The following PDE11A variants were observed in gnomAD, a reference collection of about 807,000 sequenced individuals.
PDE11A encodes the protein dual 3',5'-cyclic-AMP and -GMP phosphodiesterase 11A.
In PDE11A, 100 loss-of-function variants were observed where a neutral mutation model predicts 100.5. That is an observed-to-expected ratio of 1.00 (90% CI 0.85 to 1.18). The LOEUF (loss-of-function observed/expected upper bound fraction) is 1.18, where lower values mean the gene tolerates loss of function less well. Ranked by LOEUF, PDE11A falls within the 50% of genes most tolerant of loss-of-function variation. The probability of loss-of-function intolerance (pLI) is 0.00; values close to 1 mark genes in which losing one functional copy is unlikely to be tolerated. For synonymous variants in PDE11A, 381 were observed against 420.8 expected (o/e 0.91, Z 1.16); for missense variants, 1,141 against 1,152.6 (o/e 0.99, Z 0.15).
At chr2:177,728,619 T>C (rs1397767345) in intron 10 of PDE11A, among the ~76,000 whole-genome samples, 1 of 152,198 alleles carries the variant, frequency 6.6e-6, no homozygotes, top group African/African-American at 2.4e-5. Flanking sequence ...TATATCCTTA[T>C]ATCCTGTAGC....
chr2:178,045,077 A>G (rs2086732923), intron 1 of PDE11A, among the ~76,000 whole-genome samples: 1 of 152,208 alleles, frequency 6.6e-6, no homozygotes, highest in African/African-American at 2.4e-5. Flanking sequence ...AAAGTTTCAC[A>G]ATAAAGAGAA....
At chr2:177,711,238 T>C (rs2081355882) in intron 13 of PDE11A, among the ~76,000 whole-genome samples, 1 of 152,248 alleles carries the variant, frequency 6.6e-6, no homozygotes, top group Non-Finnish European at 1.5e-5. Context: ...AATTCCTTTG[T>C]TTCTTCCACC....
intron 13 of PDE11A, among the ~76,000 whole-genome samples, 198 bp from the exon 14 acceptor site, chr2:177,701,409 A>G (rs1488226911): frequency 2.0e-5 from 3 of 152,216 alleles, no homozygotes; most frequent in African/African-American, 7.2e-5. Flanking sequence ...CCTAATACAT[A>G]GAACTTTCTA....
intron 16 of PDE11A, among the ~76,000 whole-genome samples, chr2:177,677,524 A>G (rs373955308): frequency 5.9e-5 from 9 of 152,134 alleles, no homozygotes; most frequent in African/African-American, 1.9e-4. Context: ...TGGGGAGTCA[A>G]CTAAGCCTGG....
At chr2:177,951,398 A>T (rs575303542) in intron 2 of PDE11A, among the ~76,000 whole-genome samples, 2 of 152,222 alleles carry the variant, frequency 1.3e-5, no homozygotes, top group Non-Finnish European at 2.9e-5. Context: ...TAACTTATCA[A>T]TGGAATTCAA....
chr2:178,050,238 G>A (rs1380875275), intron 1 of PDE11A, among the ~76,000 whole-genome samples: 1 of 152,212 alleles, frequency 6.6e-6, no homozygotes, highest in Non-Finnish European at 1.5e-5. Context: ...CAGGCAAACA[G>A]GGTCTGGGGT....
chr2:178,011,190 G>A (rs925306262), intron 2 of PDE11A, among the ~76,000 whole-genome samples: 1 of 152,124 alleles, frequency 6.6e-6, no homozygotes, highest in African/African-American at 2.4e-5. Flanking sequence ...AATGAGTTCA[G>A]GGAATATATT....
At chr2:178,090,941 CA>C (rs2087415184) in intron 2 of PDE11A, among the ~76,000 whole-genome samples, 1 of 152,220 alleles carries the variant, frequency 6.6e-6, no homozygotes, top group Admixed American at 6.5e-5. Context: ...TTACCAGATG[CA>C]TTAAGAGTAA....
chr2:177,802,685 G>A (rs1236632850), intron 9 of PDE11A, among the ~76,000 whole-genome samples: 2 of 151,960 alleles, frequency 1.3e-5, no homozygotes, highest in South Asian at 2.1e-4. Context: ...GTTGTGTCTG[G>A]GGGTAGCAGT....
At chr2:177,719,785 A>G (rs1185479736) in intron 12 of PDE11A, among the ~76,000 whole-genome samples, 1 of 152,126 alleles carries the variant, frequency 6.6e-6, no homozygotes, top group Non-Finnish European at 1.5e-5. Flanking sequence ...TGTTTGGTAC[A>G]TTATTAAAAT....
intron 5 of PDE11A, among the ~76,000 whole-genome samples, chr2:177,852,849 G>A (rs1002399302): frequency 1.6e-4 from 25 of 152,134 alleles, no homozygotes; most frequent in Admixed American, 1.4e-3. Context: ...TAGTGGAGTC[G>A]CCTTTAATGT....
At chr2:177,794,246 A>T (rs1369042363) in intron 9 of PDE11A, among the ~76,000 whole-genome samples, 3 of 152,196 alleles carry the variant, frequency 2.0e-5, no homozygotes, top group African/African-American at 7.2e-5. Flanking sequence ...AATTGCAGAG[A>T]GAGCAAGCCG....
chr2:177,856,867 G>A (rs1191570610), intron 5 of PDE11A, among the ~76,000 whole-genome samples: 3 of 151,646 alleles, frequency 2.0e-5, no homozygotes, highest in African/African-American at 7.3e-5. Flanking sequence ...GGAGACAAAG[G>A]GTCAGAAAGA....
At chr2:177,986,633 C>A (rs1232343413) in intron 2 of PDE11A, among the ~76,000 whole-genome samples, 1 of 151,982 alleles carries the variant, frequency 6.6e-6, no homozygotes, top group Non-Finnish European at 1.5e-5. Context: ...AGTTTGAGAC[C>A]AGCCTGCCCA....
chr2:177,633,035 T>G (rs774460015), intron 19 of PDE11A, among the ~76,000 whole-genome samples: 41 of 152,146 alleles, frequency 2.7e-4, no homozygotes, highest in Non-Finnish European at 5.1e-4. Flanking sequence ...TATAAAGAAA[T>G]AAAAGAAAGA....
intron 6 of PDE11A, among the ~76,000 whole-genome samples, chr2:177,831,303 A>T (rs112840857): frequency 1.3e-5 from 2 of 152,216 alleles, no homozygotes; most frequent in African/African-American, 4.8e-5. Context: ...AGCTCCTATC[A>T]AAAGGAAGAC....
At chr2:177,819,387 T>C (rs1171245180) in intron 7 of PDE11A, among the ~76,000 whole-genome samples, 1 of 152,102 alleles carries the variant, frequency 6.6e-6, no homozygotes, top group Non-Finnish European at 1.5e-5. Context: ...GATGCATTAG[T>C]TACCAAATGA....
chr2:177,938,370 G>T (rs536780473), intron 2 of PDE11A, among the ~76,000 whole-genome samples: 4 of 152,288 alleles, frequency 2.6e-5, no homozygotes, highest in Non-Finnish European at 5.9e-5. Context: ...CCTCTGCTCT[G>T]CCATGCCTAC....
intron 9 of PDE11A, among the ~76,000 whole-genome samples, chr2:177,814,264 T>C (rs193027883): frequency 2.8e-4 from 39 of 139,330 alleles, no homozygotes; most frequent in Middle Eastern, 3.6e-3. Context: ...ATAATATGTA[T>C]AAATACATAA....
Sources: gnomAD v4.1 joint callset for allele counts (sites outside exome capture counted in the v4.1 genomes callset) on GRCh38, gnomAD v4.1.1 for gene constraint, MANE v1.5 for transcripts, NCBI Gene and HGNC (gene_info 2026-07-23, HGNC 2026-07-21) for gene names.